The following TACC2 variants were observed in gnomAD, a reference collection of about 807,000 sequenced individuals.
TACC2 encodes the protein transforming acidic coiled-coil containing protein 2, also known as transforming acidic coiled-coil-containing protein 2.
A neutral mutation model predicts 227.3 loss-of-function variants in TACC2; 137 were observed. That is an observed-to-expected ratio of 0.60 (90% CI 0.52 to 0.69). The LOEUF is 0.69. Ranked by LOEUF, TACC2 falls within the 30% of genes least tolerant of loss-of-function variation. The probability of loss-of-function intolerance (pLI) is 0.00; values close to 1 mark genes in which losing one functional copy is unlikely to be tolerated. For synonymous variants in TACC2, 1,523 were observed against 1,487.5 expected (o/e 1.02, Z -0.55); for missense variants, 3,470 against 3,694.4 (o/e 0.94, Z 1.57).
intron 1 of TACC2, among the ~76,000 whole-genome samples, chr10:122,013,667 A>G (rs7477345): frequency 0.46 from 69,664 of 152,040 alleles, 16,126 homozygotes; most frequent in South Asian, 0.62. Context: ...CTCCACTGAC[A>G]CAGAACCCGA....
At chr10:122,156,021 T>C (rs1048336989) in intron 7 of TACC2, among the ~76,000 whole-genome samples, 3 of 150,658 alleles carry the variant, frequency 2.0e-5, no homozygotes, top group African/African-American at 4.9e-5. Context: ...GTATTTTTAG[T>C]AGAGACGAGG....
intron 5 of TACC2, chr10:122,113,018 T>C (rs1279242940): frequency 6.6e-5 from 10 of 152,362 alleles, no homozygotes; most frequent in Admixed American, 1.3e-4. Flanking sequence ...CATTGGCCTT[T>C]TGTGCTGCAA....
At chr10:122,079,400 C>T (rs12572716) in intron 3 of TACC2, among the ~76,000 whole-genome samples, 5,983 of 152,240 alleles carry the variant, frequency 0.039, 402 homozygotes, top group East Asian at 0.22. Flanking sequence ...ATTTGTGAAT[C>T]GGAGGGTTTT....
chr10:122,177,593 G>A (rs2140208132), intron 7 of TACC2, among the ~76,000 whole-genome samples: 1 of 152,234 alleles, frequency 6.6e-6, no homozygotes, highest in African/African-American at 2.4e-5. Flanking sequence ...ATAATAAAAT[G>A]ATGGCCCAGG....
chr10:122,173,178 C>T (rs148189975), intron 7 of TACC2, among the ~76,000 whole-genome samples: 82 of 152,266 alleles, frequency 5.4e-4, no homozygotes, highest in African/African-American at 1.8e-3. Context: ...GCCCTCCTCA[C>T]CCCAGACAAC....
At chr10:122,125,886 C>T (rs750619665) in intron 5 of TACC2, among the ~76,000 whole-genome samples, 25 of 149,694 alleles carry the variant, frequency 1.7e-4, no homozygotes, top group Non-Finnish European at 3.0e-4. Flanking sequence ...AAGCGATTCT[C>T]CTGCCTCAGC....
intron 2 of TACC2, among the ~76,000 whole-genome samples, chr10:122,027,473 A>T (rs1319364714): frequency 6.6e-6 from 1 of 152,024 alleles, no homozygotes; most frequent in Non-Finnish European, 1.5e-5. Context: ...CCATCTTTCT[A>T]ACAACATTTG....
intron 2 of TACC2, among the ~76,000 whole-genome samples, chr10:122,028,463 C>G (rs923703069): frequency 6.6e-5 from 10 of 152,016 alleles, no homozygotes; most frequent in African/African-American, 2.4e-4. Flanking sequence ...ATGTTTATAC[C>G]TAAGTATTAT....
In TACC2 at chr10:122,086,193, T is replaced by A; in HGVS notation, c.3693T>A (p.Ala1231=). 1 of 1,613,704 alleles carries A rather than the reference T, an allele frequency of 6.2e-7. No individual in the cohort carries two copies. Among genetic ancestry groups the A allele is most frequent in the South Asian group, 1.1e-5 (1 of 91,088 alleles). ...ELLLSGPPEV[A]APDTPYLHVD... ...TGCTGTCTGGGCCACCAGAAGTGGC[T>A]GCTCCTGACACCCCTTACCTGCATG... The change falls in exon 4 of 23, where the codon GCT becomes GCA. Residue 1231 remains alanine, a synonymous_variant. Transcript: ENST00000369005.
At chr10:122,137,895 C>T (rs545498418) in intron 6 of TACC2, among the ~76,000 whole-genome samples, 3 of 152,248 alleles carry the variant, frequency 2.0e-5, no homozygotes, top group African/African-American at 7.2e-5. Flanking sequence ...GACACCAGGC[C>T]CAGCAGCTGG....
rs767552081 is a variant in TACC2, at chr10:122,044,562, A to G, written c.34-5876A>G. 1.4e-3 allele frequency among the ~76,000 whole-genome samples: 210 copies of G among 152,278 alleles called. 1 individual carries two copies. The highest frequency in any genetic ancestry group is 2.3e-3 in the Non-Finnish European group (156 of 68,014). ...AAGGAGCTCGTTCAAAGAGGGGGCGACTTAGGCAGACACTCTGGTCATGAT... is the reference window on the plus strand; with the variant it reads ...AAGGAGCTCGTTCAAAGAGGGGGCGGCTTAGGCAGACACTCTGGTCATGAT... On this transcript the variant is annotated intron_variant, in intron 2 of 22. Transcript: ENST00000369005.
intron 8 of TACC2, among the ~76,000 whole-genome samples, chr10:122,207,976 G>T (rs2095179034): frequency 6.6e-6 from 1 of 152,148 alleles, no homozygotes; most frequent in Non-Finnish European, 1.5e-5. Context: ...TTCCCTCCGT[G>T]TATCCAGGGG....
intron 1 of TACC2, among the ~76,000 whole-genome samples, chr10:122,004,908 T>G (rs1393793298): frequency 6.6e-6 from 1 of 152,160 alleles, no homozygotes; most frequent in African/African-American, 2.4e-5. Context: ...TATTTCCCCT[T>G]TTATCTAAGA....
At position 121,991,790 on chromosome 10, in the gene TACC2, G is replaced by A. The variant is rs1289998068; in HGVS notation, c.-46+2302G>A. On this transcript the variant is annotated intron_variant, in intron 1 of 22. Coordinates refer to ENST00000369005, the MANE Select transcript of TACC2 (RefSeq NM_206862.4). ...TGCATTAGTCCATTTTCATGCTGCC[G>A]ATAAAGACATGCCCAAGATGGGCAA... Among the ~76,000 whole-genome samples the A allele has an allele frequency of 4.6e-5, 7 of 152,172 alleles. No individual in the cohort carries two copies. In the East Asian group the frequency reaches 5.8e-4, roughly 13 times the overall value.
intron 7 of TACC2, among the ~76,000 whole-genome samples, chr10:122,148,150 C>A (rs1468026902): frequency 7.0e-6 from 1 of 143,812 alleles, no homozygotes; most frequent in Non-Finnish European, 1.5e-5. Flanking sequence ...ATAGCCCAGG[C>A]TGGAGTGCAA....
At chr10:122,142,471 C>G (rs2090744530) in intron 6 of TACC2, among the ~76,000 whole-genome samples, 1 of 152,222 alleles carries the variant, frequency 6.6e-6, no homozygotes, top group Non-Finnish European at 1.5e-5. Flanking sequence ...AGTCCTCTGT[C>G]CAGTGTACAG....
At chr10:122,128,544 G>A (rs1047994504) in intron 5 of TACC2, among the ~76,000 whole-genome samples, 13 of 152,184 alleles carry the variant, frequency 8.5e-5, no homozygotes, top group Non-Finnish European at 1.8e-4. Context: ...TCCCGCCCTG[G>A]AATGAGGCTG....
At chr10:122,134,062 G>C (rs985258733) in intron 6 of TACC2, among the ~76,000 whole-genome samples, 3 of 152,168 alleles carry the variant, frequency 2.0e-5, no homozygotes, top group African/African-American at 4.8e-5. Context: ...AGCAGAGGAC[G>C]GGATAGATAG....
chr10:122,041,298 A>G (rs1158196722), intron 2 of TACC2, among the ~76,000 whole-genome samples: 1 of 150,856 alleles, frequency 6.6e-6, no homozygotes, highest in Non-Finnish European at 1.5e-5. Flanking sequence ...CCAGTGCAGG[A>G]CAGGGAGCAT....
Sources: allele counts gnomAD v4.1 joint callset (sites outside exome capture counted in the v4.1 genomes callset), GRCh38; gene constraint gnomAD v4.1.1; transcripts MANE v1.5; gene names NCBI Gene and HGNC (gene_info 2026-07-23, HGNC 2026-07-21).